DENND2C: variants seen among roughly 807,000 people sequenced by gnomAD.
DENND2C encodes DENN domain-containing protein 2C.
DENND2C carries 72 observed loss-of-function variants against 112.4 expected under a neutral mutation model. The ratio of observed to expected loss-of-function variants is 0.64; its 90% CI spans 0.53 to 0.78. The LOEUF (loss-of-function observed/expected upper bound fraction) is 0.78, where lower values mean the gene tolerates loss of function less well. Ranked by LOEUF, DENND2C falls within the 30% of genes least tolerant of loss-of-function variation. The probability of loss-of-function intolerance (pLI) is 0.00; values close to 1 mark genes in which losing one functional copy is unlikely to be tolerated. For synonymous variants in DENND2C, 329 were observed against 381.6 expected, an observed-to-expected ratio of 0.86 and a Z score of 1.61; for missense variants, 992 against 1,113.8, an observed-to-expected ratio of 0.89 and a Z score of 1.56.
intron 16 of DENND2C, among the ~76,000 whole-genome samples, chr1:114,598,139 T>G (rs965138326): frequency 1.3e-5 from 2 of 152,336 alleles, no homozygotes; most frequent in South Asian, 4.1e-4. Context: ...ATATACCCAT[T>G]GAACTGCATG....
intron 3 of DENND2C, among the ~76,000 whole-genome samples, chr1:114,630,590 G>A (rs1363616448): frequency 6.6e-6 from 1 of 152,084 alleles, no homozygotes; most frequent in Non-Finnish European, 1.5e-5. Flanking sequence ...AACAGACATG[G>A]CAACCTTACC....
chr1:114,640,814 CA>C (rs1182797290), intron 3 of DENND2C, among the ~76,000 whole-genome samples: 1 of 152,152 alleles, frequency 6.6e-6, no homozygotes, highest in African/African-American at 2.4e-5. Flanking sequence ...CAATTTAACA[CA>C]AAACACAATT....
At chr1:114,600,373 T>C (rs1366580059) in intron 14 of DENND2C, 21 bp from the exon 15 acceptor site, 2 of 1,613,514 alleles carry the variant, frequency 1.2e-6, no homozygotes, top group African/African-American at 1.3e-5. Flanking sequence ...AGAAGTTGAA[T>C]CAGGTGAGCT....
chr1:114,595,890 C>T lies in DENND2C; in HGVS notation c.2284-17G>A. The T allele has an allele frequency of 6.2e-7, 1 of 1,612,966 alleles. No homozygotes were observed. The highest frequency in any genetic ancestry group is 8.5e-7 in the Non-Finnish European group (1 of 1,179,294). ...TATCAGCACCTATGAAATAAAGGAG[C>T]CAGGCAAGTTCAACCAGAGACATTC... On this transcript the variant is annotated splice_polypyrimidine_tract_variant and intron_variant, in intron 16 of 20. Transcript: ENST00000393274.
intron 3 of DENND2C, among the ~76,000 whole-genome samples, chr1:114,640,409 A>G (rs1656802700): frequency 6.6e-6 from 1 of 152,226 alleles, no homozygotes; most frequent in Non-Finnish European, 1.5e-5. Flanking sequence ...GAGCAAAGGT[A>G]TTTTTATGTC....
At chr1:114,663,263 C>T (rs1445304677) in intron 1 of DENND2C, among the ~76,000 whole-genome samples, 2 of 152,200 alleles carry the variant, frequency 1.3e-5, no homozygotes, top group Admixed American at 6.5e-5. Flanking sequence ...TCTTTTATTT[C>T]ACCCAGGTTT....
intron 1 of DENND2C, among the ~76,000 whole-genome samples, chr1:114,663,798 T>C (rs1465339420): frequency 6.6e-6 from 1 of 152,220 alleles, no homozygotes; most frequent in Admixed American, 6.5e-5. Flanking sequence ...TCCATGCTTA[T>C]TCATTGAAGC....
chr1:114,617,500 A>T (rs531514178), intron 8 of DENND2C, among the ~76,000 whole-genome samples: 1 of 151,936 alleles, frequency 6.6e-6, no homozygotes, highest in Non-Finnish European at 1.5e-5. Flanking sequence ...TAGTAGAGAC[A>T]GGTTTCTCTA....
At chr1:114,669,363 C>T (rs1657726287) in intron 1 of DENND2C, among the ~76,000 whole-genome samples, 1 of 152,082 alleles carries the variant, frequency 6.6e-6, no homozygotes. Flanking sequence ...CATCTGGTTC[C>T]GCGGGTTCTG....
Position 114,653,631 on chromosome 1 carries a change from A to G in DENND2C, c.-317+874T>C, listed in dbSNP as rs182873717. 3.3e-3 allele frequency among the ~76,000 whole-genome samples: 498 copies of G among 152,216 alleles called. 4 individuals are homozygous for G. The highest frequency in any genetic ancestry group is 0.011 in the African/African-American group (472 of 41,510). ...TTTTATTTTATAACTTTTTATAATGATTAAACGTTTTGTGTTTTTTGTTGT... is the reference window on the plus strand; with the variant it reads ...TTTTATTTTATAACTTTTTATAATGGTTAAACGTTTTGTGTTTTTTGTTGT... On this transcript the variant is annotated intron_variant, in intron 2 of 20. Transcript: ENST00000393274.
intron 1 of DENND2C, among the ~76,000 whole-genome samples, chr1:114,657,509 A>T (rs1657367109): frequency 6.6e-6 from 1 of 152,200 alleles, no homozygotes; most frequent in African/African-American, 2.4e-5. Context: ...AATGTGTGGA[A>T]TCATGGAAGC....
chr1:114,623,183 A>C (rs1031942309), intron 5 of DENND2C, 84 bp from the exon 6 acceptor site: 2 of 1,273,854 alleles, frequency 1.6e-6, no homozygotes, highest in African/African-American at 3.0e-5. Flanking sequence ...AGAAAAAGCT[A>C]ACTATGTTCA....
chr1:114,628,383 C>T (rs564581931), intron 3 of DENND2C, among the ~76,000 whole-genome samples: 2 of 150,652 alleles, frequency 1.3e-5, no homozygotes, highest in East Asian at 2.0e-4. Context: ...CTACGGAATT[C>T]ACACACAAAT....
chr1:114,598,144 T>C lies in DENND2C; in HGVS notation c.2283+1130A>G, dbSNP rs544239229. Among the ~76,000 whole-genome samples the C allele has an allele frequency of 2.0e-5, 3 of 152,338 alleles. No individual in the cohort carries two copies. In the South Asian group the frequency reaches 6.2e-4, roughly 32 times the overall value. On this transcript the variant is annotated intron_variant, in intron 16 of 20. Transcript: ENST00000393274. ...ATTTCCAAGTATATACCCATTGAACTGCATGTGTGTATGCACTGAGGGTCA... is the reference window on the plus strand; with the variant it reads ...ATTTCCAAGTATATACCCATTGAACCGCATGTGTGTATGCACTGAGGGTCA...
chr1:114,601,074 T>A, intron 13 of DENND2C, 114 bp from the exon 14 acceptor site: 1 of 1,117,734 alleles, frequency 8.9e-7, no homozygotes, highest in Non-Finnish European at 1.2e-6. Context: ...AAATAAAATT[T>A]AAGACAGATA....
rs1413687038 is a variant in DENND2C at position 114,585,241 on chromosome 1, T to G, written c.*359A>C. ...CTTAAACTCAGCATTTCTCTCATTA[T>G]TCTCATCTTTGAGCTATTTTTTAAA... is the stretch of plus-strand genomic sequence containing the variant. On this transcript the variant is annotated 3_prime_UTR_variant, in exon 21 of 21. Coordinates refer to ENST00000393274, the MANE Select transcript of DENND2C (RefSeq NM_001256404.2). 2 of 248,968 alleles carry G rather than the reference T, an allele frequency of 8.0e-6. No homozygotes were observed. Among genetic ancestry groups the G allele is most frequent in the Non-Finnish European group, 1.6e-5 (2 of 127,226 alleles). 15.4% of individuals were successfully genotyped at this position (248,968 alleles called of 1,614,324 possible). A position where few individuals can be genotyped will look rare whatever the true frequency, so the allele number is the denominator to read the frequency against.
At chr1:114,646,999 A>T (rs1227214175) in intron 2 of DENND2C, among the ~76,000 whole-genome samples, 2 of 152,136 alleles carry the variant, frequency 1.3e-5, no homozygotes, top group East Asian at 3.9e-4. Context: ...GTCTCTACTA[A>T]AAATACAAAA....
chr1:114,627,693 T>C (rs1320955363), intron 3 of DENND2C, among the ~76,000 whole-genome samples: 2 of 152,182 alleles, frequency 1.3e-5, no homozygotes, highest in Admixed American at 6.5e-5. Context: ...CACAGAACTC[T>C]TGATAAAAAA....
At chr1:114,655,885 T>TATATATATAC in intron 1 of DENND2C, among the ~76,000 whole-genome samples, 1 of 140,416 alleles carries the variant, frequency 7.1e-6, no homozygotes, top group Middle Eastern at 3.8e-3. Context: ...TATGTATAAA[T>TATATATATAC]ATATATATAT....
Sources: gnomAD v4.1 joint callset for allele counts (sites outside exome capture counted in the v4.1 genomes callset) on GRCh38, gnomAD v4.1.1 for gene constraint, MANE v1.5 for transcripts, NCBI Gene and HGNC (gene_info 2026-07-23, HGNC 2026-07-21) for gene names.